SLC25A13: variants seen among roughly 807,000 people sequenced by gnomAD.
SLC25A13 encodes solute carrier family 25 member 13.
In SLC25A13, 70 loss-of-function variants were observed where a neutral mutation model predicts 85.5. The observed-to-expected ratio is 0.82, with a 90% confidence interval of 0.68 to 1.00. The LOEUF is 1.00. Among genes scored for constraint, SLC25A13 ranks in the 50% least tolerant of loss-of-function variants. The pLI is 0.00. For synonymous variants in SLC25A13, 259 were observed against 288.7 expected, an observed-to-expected ratio of 0.90 and a Z score of 1.04; for missense variants, 765 against 819.8, an observed-to-expected ratio of 0.93 and a Z score of 0.82.
intron 1 of SLC25A13, among the ~76,000 whole-genome samples, chr7:96,308,447 C>T (rs1420343156): frequency 2.6e-5 from 4 of 152,184 alleles, no homozygotes; most frequent in South Asian, 4.1e-4. Context: ...AGCAGCAGGT[C>T]TCTCTAGCTG....
chr7:96,184,087 T>G (rs1294856285), intron 11 of SLC25A13, among the ~76,000 whole-genome samples, 190 bp downstream of exon 11: 1 of 152,214 alleles, frequency 6.6e-6, no homozygotes, highest in Admixed American at 6.5e-5. Context: ...TAAATAATTT[T>G]CAGATTATGG....
intron 5 of SLC25A13, among the ~76,000 whole-genome samples, chr7:96,198,715 G>C (rs908208238): frequency 3.6e-4 from 55 of 152,086 alleles, no homozygotes; most frequent in African/African-American, 1.3e-3. Context: ...CATAAATAAG[G>C]GGGTCATAAC....
intron 2 of SLC25A13, among the ~76,000 whole-genome samples, chr7:96,280,687 C>G (rs1247681183): frequency 2.0e-5 from 3 of 152,110 alleles, no homozygotes; most frequent in African/African-American, 7.2e-5. Flanking sequence ...TATACTCCAG[C>G]CTGGGCAACA....
At chr7:96,275,408 T>C (rs1467007387) in intron 3 of SLC25A13, among the ~76,000 whole-genome samples, 3 of 152,178 alleles carry the variant, frequency 2.0e-5, no homozygotes, top group African/African-American at 7.2e-5. Context: ...GGATTATAAA[T>C]CATGCTGCTA....
At chr7:96,262,979 T>C (rs1434209109) in intron 3 of SLC25A13, among the ~76,000 whole-genome samples, 2 of 148,424 alleles carry the variant, frequency 1.3e-5, no homozygotes, top group East Asian at 4.0e-4. Context: ...ACCCTATATA[T>C]GCTCAGTAAC....
chr7:96,251,644 T>C (rs1797431650), intron 3 of SLC25A13, among the ~76,000 whole-genome samples: 1 of 152,230 alleles, frequency 6.6e-6, no homozygotes, highest in Non-Finnish European at 1.5e-5. Flanking sequence ...CACACACCAA[T>C]CACCAGTTGC....
At chr7:96,215,748 G>T (rs1795874494) in intron 4 of SLC25A13, among the ~76,000 whole-genome samples, 1 of 151,934 alleles carries the variant, frequency 6.6e-6, no homozygotes, top group African/African-American at 2.4e-5. Flanking sequence ...TAATTTTTGT[G>T]ATGTTGGATT....
At chr7:96,167,961 A>C (rs1447651121) in intron 13 of SLC25A13, among the ~76,000 whole-genome samples, 2 of 151,820 alleles carry the variant, frequency 1.3e-5, no homozygotes, top group Non-Finnish European at 2.9e-5. Flanking sequence ...TTAGCTGGAC[A>C]TGGTGGTGTG....
At chr7:96,191,049 A>T (rs918735999) in intron 7 of SLC25A13, 60 bp downstream of exon 7, 3 of 1,598,900 alleles carry the variant, frequency 1.9e-6, no homozygotes, top group Non-Finnish European at 2.6e-6. Flanking sequence ...TGCCTTCTTC[A>T]CCCTAATAAT....
intron 13 of SLC25A13, among the ~76,000 whole-genome samples, chr7:96,168,098 G>GGAAAAAAAAAAAAAAAAAAA (rs1793836839): frequency 5.1e-5 from 1 of 19,694 alleles, no homozygotes; most frequent in Non-Finnish European, 1.3e-4. Context: ...AACTCTGTCT[G>GGAAAAAAAAAAAAAAAAAAA]AAAAAAAAAA....
chr7:96,219,817 G>T, intron 4 of SLC25A13: 1 of 502,380 alleles, frequency 2.0e-6, no homozygotes, highest in Non-Finnish European at 4.1e-6. Context: ...CACTATTTAA[G>T]TCATCATAGT....
At chr7:96,271,729 T>C (rs1798244903) in intron 3 of SLC25A13, among the ~76,000 whole-genome samples, 1 of 152,066 alleles carries the variant, frequency 6.6e-6, no homozygotes, top group Non-Finnish European at 1.5e-5. Flanking sequence ...AAAATATATA[T>C]TACACATTGT....
At chr7:96,191,371 ATAAG>A (rs1794844178) in intron 6 of SLC25A13, 124 bp from the exon 7 acceptor site, 1 of 1,036,504 alleles carries the variant, frequency 9.6e-7, no homozygotes, top group South Asian at 1.5e-5. Context: ...AGAAATGACT[ATAAG>A]TATTTTTCTT....
chr7:96,283,683 A>G, intron 2 of SLC25A13: 1 of 293,948 alleles, frequency 3.4e-6, no homozygotes, highest in East Asian at 1.0e-4. Context: ...AAATGCATGA[A>G]GAAAAATGAT....
At chr7:96,121,506 C>T in intron 17 of SLC25A13, 129 bp from the exon 18 acceptor site, 1 of 1,378,102 alleles carries the variant, frequency 7.3e-7, no homozygotes, top group African/African-American at 1.4e-5. Flanking sequence ...TTGTATGTTC[C>T]CCTTGGAAAT....
chr7:96,272,958 T>C (rs1409459466), intron 3 of SLC25A13, among the ~76,000 whole-genome samples: 2 of 152,194 alleles, frequency 1.3e-5, no homozygotes, highest in Admixed American at 6.6e-5. Flanking sequence ...CATGTGATCT[T>C]GACATATCAT....
chr7:96,182,696 T>A (rs142975395), intron 11 of SLC25A13, among the ~76,000 whole-genome samples: 1 of 152,156 alleles, frequency 6.6e-6, no homozygotes, highest in Non-Finnish European at 1.5e-5. Context: ...AAGGGAAATA[T>A]AGACGTAACC....
chr7:96,138,944 T>G (rs895348973), intron 14 of SLC25A13, among the ~76,000 whole-genome samples: 1 of 152,200 alleles, frequency 6.6e-6, no homozygotes, highest in Admixed American at 6.5e-5. Flanking sequence ...AGACCTGGCC[T>G]GGAGAGGTTG....
At chr7:96,199,544 T>G (rs747303324) in intron 5 of SLC25A13, among the ~76,000 whole-genome samples, 1 of 152,140 alleles carries the variant, frequency 6.6e-6, no homozygotes, top group Non-Finnish European at 1.5e-5. Flanking sequence ...TGAAGACAAA[T>G]GGCCCTTCCT....
Sources: allele counts gnomAD v4.1 joint callset (sites outside exome capture counted in the v4.1 genomes callset), GRCh38; gene constraint gnomAD v4.1.1; transcripts MANE v1.5; gene names NCBI Gene and HGNC (gene_info 2026-07-23, HGNC 2026-07-21).